Variants in AUTS2 observed in about 807,000 individuals in gnomAD.
AUTS2 encodes the protein activator of transcription and developmental regulator AUTS2.
AUTS2 carries 17 observed loss-of-function variants against 112.4 expected under a neutral mutation model. The ratio of observed to expected loss-of-function variants is 0.15; its 90% confidence interval spans 0.10 to 0.23. The LOEUF (loss-of-function observed/expected upper bound fraction) is 0.23, where lower values mean the gene tolerates loss of function less well. Among genes scored for constraint, AUTS2 ranks in the 10% least tolerant of loss-of-function variants. AUTS2 has a pLI of 1.00. For synonymous variants in AUTS2, 751 were observed against 702.7 expected (o/e 1.07, Z -1.09); for missense variants, 1,510 against 1,701.6 (o/e 0.89, Z 1.98).
chr7:70,218,760 GTTGCTC>G (rs1476905849), intron 4 of AUTS2, among the ~76,000 whole-genome samples: 1 of 152,134 alleles, frequency 6.6e-6, no homozygotes, highest in East Asian at 1.9e-4. Flanking sequence ...GGGCCAGGGG[GTTGCTC>G]TTTTACCAAA....
At chr7:70,611,915 A>G (rs1804112889) in intron 5 of AUTS2, among the ~76,000 whole-genome samples, 4 of 152,216 alleles carry the variant, frequency 2.6e-5, no homozygotes, top group Admixed American at 2.0e-4. Context: ...TGAGAGTCGT[A>G]CTCATTAGAG....
intron 1 of AUTS2, among the ~76,000 whole-genome samples, chr7:69,720,585 C>T (rs1798878171): frequency 1.3e-5 from 2 of 152,148 alleles, no homozygotes; most frequent in African/African-American, 4.8e-5. Context: ...TAAGTAAATT[C>T]ATAAGTCCAC....
chr7:70,013,658 A>G (rs1799901413), intron 2 of AUTS2, among the ~76,000 whole-genome samples: 1 of 152,188 alleles, frequency 6.6e-6, no homozygotes, highest in African/African-American at 2.4e-5. Context: ...AAGACCATCT[A>G]GTACCCTCTT....
chr7:69,670,827 A>G (rs73164783), intron 1 of AUTS2, among the ~76,000 whole-genome samples: 3,676 of 152,174 alleles, frequency 0.024, 60 homozygotes, highest in Non-Finnish European at 0.038. Flanking sequence ...TTGTACTAGC[A>G]CTGTACTCCA....
chr7:70,484,568 T>C (rs542681904), intron 5 of AUTS2, among the ~76,000 whole-genome samples: 2 of 152,302 alleles, frequency 1.3e-5, no homozygotes, highest in South Asian at 2.1e-4. Context: ...GGGATAATTA[T>C]GCCCTCCCCA....
chr7:69,637,604 A>G (rs1794609956), intron 1 of AUTS2, among the ~76,000 whole-genome samples: 3 of 152,266 alleles, frequency 2.0e-5, no homozygotes, highest in Non-Finnish European at 4.4e-5. Context: ...GTAAGACAAA[A>G]GTGCCTTTGT....
chr7:70,094,724 T>A (rs1227028096), intron 2 of AUTS2, among the ~76,000 whole-genome samples: 1 of 152,118 alleles, frequency 6.6e-6, no homozygotes, highest in Admixed American at 6.5e-5. Flanking sequence ...CAATTGAAAG[T>A]CTGAGAGGTA....
chr7:69,886,735 G>A (rs1794289460), intron 1 of AUTS2, among the ~76,000 whole-genome samples: 1 of 150,546 alleles, frequency 6.6e-6, no homozygotes. Context: ...AGAGTTCTCT[G>A]CTGCCTGTTA....
intron 1 of AUTS2, among the ~76,000 whole-genome samples, chr7:69,629,563 C>A (rs1242906369): frequency 3.9e-5 from 6 of 152,218 alleles, no homozygotes; most frequent in Non-Finnish European, 1.5e-5. Flanking sequence ...GCCCCAACTT[C>A]TCATTAGAAG....
intron 6 of AUTS2, among the ~76,000 whole-genome samples, chr7:70,727,187 G>A (rs1347198418): frequency 6.6e-6 from 1 of 152,216 alleles, no homozygotes; most frequent in Non-Finnish European, 1.5e-5. Flanking sequence ...ATTGTGATCA[G>A]GTTAAACAAT....
In AUTS2 at chr7:70,481,541, G is replaced by A. The variant is rs191146657; in HGVS notation, c.690+45760G>A. Among the ~76,000 whole-genome samples, 11 of 152,224 alleles carry A rather than the reference G, an allele frequency of 7.2e-5. No individual in the cohort carries two copies. In the East Asian group the frequency reaches 1.4e-3, roughly 19 times the overall value. ...GATTCAACACATCCCTGTGGGTCCC[G>A]TCACACATCTCACCCTGGCCCATTT... On this transcript the variant is annotated intron_variant, in intron 5 of 18. Coordinates refer to ENST00000342771, the MANE Select transcript of AUTS2 (RefSeq NM_015570.4).
chr7:69,735,738 A>G (rs1219289532), intron 1 of AUTS2, among the ~76,000 whole-genome samples: 1 of 152,208 alleles, frequency 6.6e-6, no homozygotes, highest in Non-Finnish European at 1.5e-5. Context: ...CAGCCCCCTG[A>G]CAAGGAGTCT....
chr7:69,682,519 G>A (rs1796845924), intron 1 of AUTS2, among the ~76,000 whole-genome samples: 1 of 152,284 alleles, frequency 6.6e-6, no homozygotes, highest in South Asian at 2.1e-4. Context: ...GATGTCTATA[G>A]TTTTTTAGAA....
At chr7:70,644,158 A>G (rs565628039) in intron 5 of AUTS2, among the ~76,000 whole-genome samples, 1 of 152,326 alleles carries the variant, frequency 6.6e-6, no homozygotes, top group East Asian at 1.9e-4. Flanking sequence ...GAATTCAACA[A>G]TGAAGAAAAC....
chr7:70,068,579 C>G (rs969144518), intron 2 of AUTS2, among the ~76,000 whole-genome samples: 5 of 152,144 alleles, frequency 3.3e-5, no homozygotes, highest in Admixed American at 2.6e-4. Context: ...CATATAGCTG[C>G]TTTGTATTTC....
intron 2 of AUTS2, among the ~76,000 whole-genome samples, chr7:69,907,718 A>G (rs566706326): frequency 2.0e-5 from 3 of 152,228 alleles, no homozygotes; most frequent in South Asian, 2.1e-4. Flanking sequence ...AAGTTCTTAC[A>G]TATAACTTTG....
Position 70,766,169 on chromosome 7 carries a change from T to C in AUTS2, c.1524T>C (p.Ala508=), listed in dbSNP as rs778439465. The part of the protein sequence containing the change: ...LNTRFLASQS[A]DRGASLGPPP... ...CTCGTTTTTTGGCCTCTCAGAGTGCTGACCGCGGGGCTTCCCTGGGCCCTC... is the reference window on the plus strand; with the variant it reads ...CTCGTTTTTTGGCCTCTCAGAGTGCCGACCGCGGGGCTTCCCTGGGCCCTC... The change falls in exon 9 of 19, where the codon GCT becomes GCC. Residue 508 remains alanine (A), a synonymous_variant. Transcript: ENST00000342771. The surrounding 1 kb of genome is among the most constrained non-coding windows in gnomAD (Gnocchi z 4.8). 6.2e-7 allele frequency: 1 copy of C among 1,614,204 alleles called. No homozygotes were observed. The highest frequency in any genetic ancestry group is 8.5e-7 in the Non-Finnish European group (1 of 1,180,052).
At chr7:69,846,432 C>CT (rs1457892257) in intron 1 of AUTS2, among the ~76,000 whole-genome samples, 1 of 152,174 alleles carries the variant, frequency 6.6e-6, no homozygotes, top group African/African-American at 2.4e-5. Flanking sequence ...TCACTCCTTT[C>CT]TTTAATATAT....
chr7:70,017,733 A>G (rs1236377951), intron 2 of AUTS2, among the ~76,000 whole-genome samples: 1 of 152,104 alleles, frequency 6.6e-6, no homozygotes, highest in East Asian at 1.9e-4. Context: ...TGCTCACAGG[A>G]AAGTAGTTGT....
Sources: allele counts gnomAD v4.1 joint callset (sites outside exome capture counted in the v4.1 genomes callset), GRCh38; gene constraint gnomAD v4.1.1; non-coding constraint Gnocchi (gnomAD v3.1); transcripts MANE v1.5; gene names NCBI Gene and HGNC (gene_info 2026-07-23, HGNC 2026-07-21).